Variants in HDAC8 observed in about 807,000 individuals in gnomAD.
HDAC8 encodes the protein histone deacetylase 8.
A neutral mutation model predicts 32.2 loss-of-function variants in HDAC8; 1 was observed. That is an observed-to-expected ratio of 0.03 (90% confidence interval 0.01 to 0.15). The LOEUF (loss-of-function observed/expected upper bound fraction) is 0.15. HDAC8 is among the 10% of genes least tolerant of loss of function. The pLI, the probability that HDAC8 is intolerant of heterozygous loss-of-function variation, is 1.00. For missense variants in HDAC8, 117 were observed against 300.0 expected (o/e 0.39, Z 4.51); for synonymous variants, 108 against 113.9 (o/e 0.95, Z 0.33).
chrX:72,453,911 G>T (rs1317382044), intron 9 of HDAC8, among the ~76,000 whole-genome samples: 2 of 112,259 alleles, frequency 1.8e-5, no homozygotes, highest in African/African-American at 6.5e-5. Context: ...AGTGCTAAAA[G>T]AAAAATTATC....
chrX:72,464,798 C>A (rs1321225733), intron 7 of HDAC8, 67 bp from the exon 8 acceptor site: 3 of 747,206 alleles, frequency 4.0e-6, no homozygotes, highest in African/African-American at 2.1e-5. Context: ...GGTGGTAGGG[C>A]AAGTTGGAGG....
rs782505730 is a variant in HDAC8 at position 72,351,778 on chromosome X, G to A, written c.1066C>T (p.Arg356Cys). The A allele has an allele frequency of 6.6e-6, 8 of 1,209,280 alleles. No homozygotes were observed. The highest frequency in any genetic ancestry group is 2.2e-5 in the Admixed American group (1 of 45,840). The change falls in exon 10 of 11, where the codon CGC becomes TGC. Residue 356 changes from arginine (R) to cysteine (C), a missense_variant. This residue lies in a region of HDAC8 where 18 missense variants were observed against 25.7 expected (regional missense o/e 0.70). Coordinates refer to ENST00000373573, the MANE Select transcript of HDAC8 (RefSeq NM_018486.3). ...TGTTGGATTCGGTGGGGCTCATTGC[G>A]GTCTGGCCGGCAGCTTGGCGTGATT... ...LEITPSCRPD[R>C]NEPHRIQQIL...
At chrX:72,479,182 G>A (rs2048425729) in intron 7 of HDAC8, among the ~76,000 whole-genome samples, 1 of 111,750 alleles carries the variant, frequency 8.9e-6, no homozygotes, top group African/African-American at 3.3e-5. Context: ...AGGCACAGTC[G>A]TTCAAAGCCA....
At chrX:72,360,140 A>G (rs2044506087) in intron 9 of HDAC8, among the ~76,000 whole-genome samples, 1 of 109,577 alleles carries the variant, frequency 9.1e-6, no homozygotes, top group African/African-American at 3.3e-5. Flanking sequence ...GCAGGTCACG[A>G]GGTCAGGAGT....
At chrX:72,338,539 AT>A (rs1401670505) in intron 10 of HDAC8, among the ~76,000 whole-genome samples, 2 of 107,609 alleles carry the variant, frequency 1.9e-5, no homozygotes, top group Non-Finnish European at 3.8e-5. Context: ...AGAGAAGTGA[AT>A]TTAGGACTGT....
intron 9 of HDAC8, 88 bp downstream of exon 9, chrX:72,461,916 A>T: frequency 1.6e-6 from 1 of 635,356 alleles, no homozygotes; most frequent in East Asian, 3.2e-5. Context: ...ACAAAACGGT[A>T]TTGAGTGGTG....
rs782220049 is a variant in HDAC8, at chrX:72,351,049, G to C, written c.1111+684C>G. ...ACTGGATCAAGGACTCATACATACT[G>C]GAAGAGAATGCCTGTGAGCCCCCTC... On this transcript the variant is annotated intron_variant, in intron 10 of 10. Coordinates refer to ENST00000373573, the MANE Select transcript of HDAC8 (RefSeq NM_018486.3). Among the ~76,000 whole-genome samples, 18 of 111,674 alleles carry C rather than the reference G, an allele frequency of 1.6e-4. 1 individual carries two copies. Among genetic ancestry groups the C allele is most frequent in the Non-Finnish European group, 3.0e-4 (16 of 53,088 alleles).
intron 4 of HDAC8, among the ~76,000 whole-genome samples, chrX:72,551,234 CT>C (rs2051060339): frequency 9.0e-6 from 1 of 111,043 alleles, no homozygotes; most frequent in Non-Finnish European, 1.9e-5. Context: ...AAAGAAAAGC[CT>C]TTGGGAACAC....
intron 9 of HDAC8, among the ~76,000 whole-genome samples, chrX:72,409,358 C>T (rs2046132281): frequency 8.9e-6 from 1 of 111,883 alleles, no homozygotes; most frequent in African/African-American, 3.2e-5. Context: ...TGTCTACCAA[C>T]TTTACTGTAA....
chrX:72,551,844 A>G (rs1361662322), intron 4 of HDAC8, among the ~76,000 whole-genome samples: 1 of 111,849 alleles, frequency 8.9e-6, no homozygotes, highest in African/African-American at 3.3e-5. Context: ...ACCTTGTCCT[A>G]TTTGCCCTCA....
chrX:72,461,879 G>A, intron 9 of HDAC8, 125 bp downstream of exon 9: 1 of 485,260 alleles, frequency 2.1e-6, no homozygotes, highest in Non-Finnish European at 3.6e-6. Context: ...CCAAGACAGT[G>A]TGTTATTGTT....
In HDAC8 at chrX:72,527,148, C is replaced by G. The variant is rs191046814; in HGVS notation, c.438-31880G>C. Among the ~76,000 whole-genome samples the G allele has an allele frequency of 3.6e-5, 4 of 112,074 alleles. No individual in the cohort carries two copies. The Admixed American group carries it at 3.8e-4, about 11-fold the overall frequency. On this transcript the variant is annotated intron_variant, in intron 4 of 10. Transcript: ENST00000373573. ...TCCAGCCTCATCTCTTGCCACTGAC[C>G]CAAACTTTCTGCCTCAGTCATGCTG...
chrX:72,553,703 G>A (rs1441928913), intron 4 of HDAC8, among the ~76,000 whole-genome samples: 1 of 111,632 alleles, frequency 9.0e-6, no homozygotes, highest in Non-Finnish European at 1.9e-5. Flanking sequence ...TGGCCCCATG[G>A]AACCCGCAGA....
intron 5 of HDAC8, among the ~76,000 whole-genome samples, chrX:72,491,985 A>G (rs1331180276): frequency 8.9e-6 from 1 of 112,189 alleles, no homozygotes; most frequent in African/African-American, 3.2e-5. Context: ...AAAAAATATT[A>G]ACTCTATTTA....
intron 2 of HDAC8, among the ~76,000 whole-genome samples, chrX:72,570,540 C>T (rs1370977872): frequency 1.9e-5 from 2 of 102,797 alleles, no homozygotes; most frequent in African/African-American, 7.3e-5. Context: ...ACCTGGGAGG[C>T]GGAGGTTGCA....
intron 7 of HDAC8, chrX:72,480,337 T>C (rs1263852021): frequency 2.1e-5 from 7 of 325,718 alleles, no homozygotes; most frequent in Non-Finnish European, 4.2e-5. Context: ...GAATTTTTTA[T>C]CAGTTCTTAG....
At chrX:72,484,385 T>G (rs1164317877) in intron 7 of HDAC8, among the ~76,000 whole-genome samples, 1 of 112,046 alleles carries the variant, frequency 8.9e-6, no homozygotes, top group Non-Finnish European at 1.9e-5. Flanking sequence ...ATAGAATCTT[T>G]TATAAGTCCT....
At chrX:72,387,441 C>T (rs1366654744) in intron 9 of HDAC8, among the ~76,000 whole-genome samples, 1 of 111,841 alleles carries the variant, frequency 8.9e-6, no homozygotes, top group Non-Finnish European at 1.9e-5. Context: ...GTAATTCCCT[C>T]ACTCCCTGCC....
At chrX:72,541,773 T>C (rs12014864) in intron 4 of HDAC8, among the ~76,000 whole-genome samples, 11,507 of 111,147 alleles carry the variant, frequency 0.1, 1,402 homozygotes, top group African/African-American at 0.34. Context: ...AGGGCAATTC[T>C]GATATGTTTG....
Sources: allele counts gnomAD v4.1 joint callset (sites outside exome capture counted in the v4.1 genomes callset), GRCh38; gene constraint gnomAD v4.1.1; regional missense constraint gnomAD v4.1.1; transcripts MANE v1.5; gene names NCBI Gene and HGNC (gene_info 2026-07-23, HGNC 2026-07-21).